PHF20: variants seen among roughly 807,000 people sequenced by gnomAD.
PHF20 encodes glioma-expressed antigen 2.
In PHF20, 23 loss-of-function variants were observed where a neutral mutation model predicts 113.5. That is an observed-to-expected ratio of 0.20 (90% CI 0.15 to 0.29). The LOEUF (loss-of-function observed/expected upper bound fraction) is 0.29, where lower values mean the gene tolerates loss of function less well. Among genes scored for constraint, PHF20 ranks in the 10% least tolerant of loss-of-function variants. The pLI is 1.00. For missense variants in PHF20, 943 were observed against 1,219.6 expected (o/e 0.77, Z 3.38); for synonymous variants, 434 against 457.3 (o/e 0.95, Z 0.65).
At chr20:35,789,384 T>G (rs1260181047) in intron 1 of PHF20, among the ~76,000 whole-genome samples, 1 of 150,688 alleles carries the variant, frequency 6.6e-6, no homozygotes, top group East Asian at 2.0e-4. Context: ...TGAGCCAAGA[T>G]TGTGCCATTG....
At chr20:35,891,370 C>G (rs549048352) in intron 9 of PHF20, among the ~76,000 whole-genome samples, 38 of 127,844 alleles carry the variant, frequency 3.0e-4, no homozygotes, top group African/African-American at 2.2e-4. Context: ...GAGAGAGACT[C>G]TATGTCAAAA....
chr20:35,887,356 G>T (rs764384394), intron 9 of PHF20, among the ~76,000 whole-genome samples: 1 of 152,144 alleles, frequency 6.6e-6, no homozygotes, highest in African/African-American at 2.4e-5. Flanking sequence ...TCCTCTGCAA[G>T]CTTACAATCC....
intron 17 of PHF20, among the ~76,000 whole-genome samples, chr20:35,942,329 G>A (rs960907845): frequency 6.6e-6 from 1 of 152,170 alleles, no homozygotes; most frequent in Non-Finnish European, 1.5e-5. Flanking sequence ...CATATTATTA[G>A]AGAGCTGAAG....
rs1297058934 is a variant in PHF20 at position 35,835,058 on chromosome 20, C to T, written c.84-7515C>T. ...TTGGGAGGCTGAGGCGGGCGGATCA[C>T]GAGGTCAAGAGATTGAGACCATCCT... On this transcript the variant is annotated intron_variant, in intron 2 of 17. Coordinates refer to ENST00000374012, the MANE Select transcript of PHF20 (RefSeq NM_016436.5). Among the ~76,000 whole-genome samples the T allele has an allele frequency of 2.6e-5, 4 of 151,966 alleles. No homozygotes were observed. The South Asian group carries it at 6.2e-4, about 24-fold the overall frequency.
At chr20:35,818,191 C>T (rs2146896093) in intron 2 of PHF20, among the ~76,000 whole-genome samples, 1 of 152,148 alleles carries the variant, frequency 6.6e-6, no homozygotes, top group Admixed American at 6.5e-5. Flanking sequence ...GGGAGGCTTG[C>T]TTGAACCCAG....
chr20:35,842,800 T>G (rs1357133220), intron 3 of PHF20, 56 bp downstream of exon 3: 1 of 1,491,304 alleles, frequency 6.7e-7, no homozygotes, highest in Non-Finnish European at 9.2e-7. Context: ...TTGGGCTGTT[T>G]GTGTTTCAAT....
At chr20:35,783,167 T>C (rs1032811233) in intron 1 of PHF20, among the ~76,000 whole-genome samples, 1 of 152,080 alleles carries the variant, frequency 6.6e-6, no homozygotes, top group African/African-American at 2.4e-5. Flanking sequence ...GCCACTGTAC[T>C]CCAGTGTGGG....
intron 2 of PHF20, among the ~76,000 whole-genome samples, chr20:35,835,678 C>CTCTTGTAAATATAGTTTAACCAAAACAT (rs2042427356): frequency 6.6e-6 from 1 of 152,080 alleles, no homozygotes; most frequent in South Asian, 2.1e-4. Context: ...GCCTATAATC[C>CTCTTGTAAATATAGTTTAACCAAAACAT]CAGCACTTTG....
At chr20:35,940,615 T>C (rs1185213974) in intron 16 of PHF20, among the ~76,000 whole-genome samples, 1 of 152,196 alleles carries the variant, frequency 6.6e-6, no homozygotes, top group Non-Finnish European at 1.5e-5. Flanking sequence ...TACTTTAGGC[T>C]AGGACATTGG....
In PHF20 at chr20:35,931,457, C is replaced by T. The variant is rs578033165; in HGVS notation, c.2300+13C>T. On this transcript the variant is annotated intron_variant, in intron 15 of 17. Coordinates refer to ENST00000374012, the MANE Select transcript of PHF20 (RefSeq NM_016436.5). ...TGAGCATCTTGCAGTAAGTGTGGCA[C>T]CTGCAGTGCTGGGAGCAGTCTGTTT... is the stretch of plus-strand genomic sequence containing the variant. 10 of 1,600,274 alleles carry T rather than the reference C, an allele frequency of 6.2e-6. No homozygotes were observed. The highest frequency in any genetic ancestry group is 2.2e-5 in the East Asian group (1 of 44,638).
At chr20:35,804,124 G>T (rs1436873514) in intron 2 of PHF20, among the ~76,000 whole-genome samples, 1 of 151,996 alleles carries the variant, frequency 6.6e-6, no homozygotes, top group African/African-American at 2.4e-5. Flanking sequence ...ACCCAGGCTG[G>T]AGTGTGGTGG....
intron 12 of PHF20, 58 bp from the exon 13 acceptor site, chr20:35,917,426 A>G (rs2055425247): frequency 7.0e-7 from 1 of 1,423,262 alleles, no homozygotes; most frequent in African/African-American, 1.4e-5. Context: ...CTTGACAATC[A>G]AAGGTTTTTT....
intron 3 of PHF20, among the ~76,000 whole-genome samples, chr20:35,843,064 G>C (rs555898551): frequency 6.6e-6 from 1 of 151,910 alleles, no homozygotes; most frequent in African/African-American, 2.4e-5. Context: ...GCCCACCCTG[G>C]CTAATTTTTG....
chr20:35,832,719 T>C (rs939467369), intron 2 of PHF20, among the ~76,000 whole-genome samples: 3 of 152,184 alleles, frequency 2.0e-5, no homozygotes, highest in Non-Finnish European at 4.4e-5. Context: ...GTAGGGCCTG[T>C]CATCCTCTGC....
rs1216930263 is a variant in PHF20, at chr20:35,804,229, G to GTTTT, written c.83+2643_83+2646dup. 2.1e-3 allele frequency among the ~76,000 whole-genome samples: 205 copies of GTTTT among 99,522 alleles called. 1 individual carries two copies. The highest frequency in any genetic ancestry group is 3.0e-3 in the African/African-American group (75 of 24,594). 65.3% of individuals were successfully genotyped at this position (99,522 alleles called of 152,430 possible). ...TGCCCACCTTGCCAAGCTACTGTATGTTTTTTTTTTTTTTTTTTTTTTGAG... is the reference window on the plus strand; with the variant it reads ...TGCCCACCTTGCCAAGCTACTGTATGTTTTTTTTTTTTTTTTTTTTTTTTTTGAG... On this transcript the variant is annotated intron_variant, in intron 2 of 17. Coordinates refer to ENST00000374012, the MANE Select transcript of PHF20 (RefSeq NM_016436.5).
intron 2 of PHF20, among the ~76,000 whole-genome samples, chr20:35,814,447 C>A (rs1172925752): frequency 6.6e-6 from 1 of 151,594 alleles, no homozygotes; most frequent in Non-Finnish European, 1.5e-5. Flanking sequence ...GAACTCCTGA[C>A]CTCAAGTGAT....
chr20:35,795,289 G>A (rs561810324), intron 1 of PHF20, among the ~76,000 whole-genome samples: 3 of 151,778 alleles, frequency 2.0e-5, no homozygotes, highest in African/African-American at 7.2e-5. Flanking sequence ...GGGCTAGAGT[G>A]CAGTGGTGCC....
At chr20:35,777,194 G>A (rs2041192014) in intron 1 of PHF20, among the ~76,000 whole-genome samples, 1 of 152,146 alleles carries the variant, frequency 6.6e-6, no homozygotes, top group African/African-American at 2.4e-5. Context: ...GAAGGAGTCT[G>A]TACCTTATAT....
At chr20:35,843,268 C>A (rs1192113374) in intron 3 of PHF20, among the ~76,000 whole-genome samples, 4 of 151,532 alleles carry the variant, frequency 2.6e-5, no homozygotes, top group Non-Finnish European at 5.9e-5. Flanking sequence ...ACCTGTAATC[C>A]CAGCACTTTG....
Sources: allele counts gnomAD v4.1 joint callset (sites outside exome capture counted in the v4.1 genomes callset), GRCh38; gene constraint gnomAD v4.1.1; transcripts MANE v1.5; gene names NCBI Gene and HGNC (gene_info 2026-07-23, HGNC 2026-07-21).